Variants in EIF3D observed in about 807,000 individuals in gnomAD.
EIF3D encodes eukaryotic translation initiation factor 3 subunit D.
EIF3D carries 10 observed loss-of-function variants against 75.4 expected under a neutral mutation model. That is an observed-to-expected ratio of 0.13 (90% CI 0.08 to 0.22). EIF3D has a LOEUF of 0.22. Ranked by LOEUF, EIF3D falls within the 10% of genes least tolerant of loss-of-function variation. EIF3D has a pLI of 1.00. For synonymous variants in EIF3D, 246 were observed against 248.3 expected (o/e 0.99, Z 0.09); for missense variants, 394 against 708.0 (o/e 0.56, Z 5.03).
At chr22:36,513,032 G>C (rs1934367099) in intron 12 of EIF3D, 1 of 156,628 alleles carries the variant, frequency 6.4e-6, no homozygotes, top group African/African-American at 2.4e-5. Context: ...GAGAGGCATG[G>C]TGGGATAGGA....
intron 3 of EIF3D, 110 bp from the exon 4 acceptor site, chr22:36,524,842 G>A: frequency 7.1e-7 from 1 of 1,405,864 alleles, no homozygotes. Flanking sequence ...TGTAGCATTG[G>A]CTGAAAGCTT....
Position 36,525,874 on chromosome 22 carries a change from T to C in EIF3D, c.123+125A>G, listed in dbSNP as rs563534147. On this transcript the variant is annotated intron_variant, in intron 2 of 14. Transcript: ENST00000216190. ...TCTATGACTACACCCAGAGATAACC[T>C]TTCTCAGCTGGCATCCCTATAAGAA... 1.4e-5 allele frequency: 21 copies of C among 1,486,044 alleles called. No individual in the cohort carries two copies. In the South Asian group the frequency reaches 2.0e-4, roughly 14 times the overall value. The allele number at this position is 1,486,044 out of a possible 1,614,324, so 92.1% of individuals were successfully genotyped here.
At position 36,517,336 on chromosome 22, in the gene EIF3D, T is replaced by G; in HGVS notation, c.955A>C (p.Ile319Leu). Residue 319 changes from isoleucine (I) to leucine (L), a missense_variant, in exon 10 of 15, where the codon ATC becomes CTC. Physicochemically the swap from Ile to Leu is conservative, Grantham distance 5. Transcript: ENST00000216190. Reference protein sequence around the residue: ...PRNLAMEATYINHNFSQQCLR... With the variant: ...PRNLAMEATYLNHNFSQQCLR... ...CACTGCTGGGAGAAATTGTGGTTGA[T>G]GTAGGTTGCCTCCATGGCCAGGTTG... is the stretch of plus-strand genomic sequence containing the variant. 2 of 1,614,054 alleles carry G rather than the reference T, an allele frequency of 1.2e-6. No individual in the cohort carries two copies. The highest frequency in any genetic ancestry group is 1.7e-6 in the Non-Finnish European group (2 of 1,179,976).
intron 7 of EIF3D, 95 bp downstream of exon 7, chr22:36,520,481 C>A (rs965359127): frequency 2.1e-5 from 18 of 852,298 alleles, no homozygotes; most frequent in Non-Finnish European, 3.3e-5. Flanking sequence ...GGCTTCAAAG[C>A]CTTTTTGGAA....
At chr22:36,528,264 T>C (rs929315579) in intron 1 of EIF3D, among the ~76,000 whole-genome samples, 1 of 151,624 alleles carries the variant, frequency 6.6e-6, no homozygotes, top group Admixed American at 6.6e-5. Context: ...AGATCAGGGG[T>C]TTGAGACCGT....
chr22:36,526,613 C>CTTTCTTTTTT (rs1555889295), intron 1 of EIF3D, among the ~76,000 whole-genome samples: 6 of 145,730 alleles, frequency 4.1e-5, no homozygotes, highest in African/African-American at 7.6e-5. Flanking sequence ...TTCTTTCTTT[C>CTTTCTTTTTT]TTTTTTTTTT....
intron 9 of EIF3D, among the ~76,000 whole-genome samples, chr22:36,518,249 G>C (rs1024559526): frequency 6.6e-6 from 1 of 152,096 alleles, no homozygotes; most frequent in Non-Finnish European, 1.5e-5. Context: ...GCAGCACTTT[G>C]GGAGGCCAAG....
At chr22:36,511,029 T>C (rs1395572886) in intron 14 of EIF3D, 29 bp from the exon 15 acceptor site, 1 of 1,603,818 alleles carries the variant, frequency 6.2e-7, no homozygotes, top group Non-Finnish European at 8.5e-7. Flanking sequence ...GTAAGAGAAA[T>C]GAGCCAGGTT....
chr22:36,523,127 AT>A, intron 6 of EIF3D, 81 bp downstream of exon 6: 1 of 1,094,558 alleles, frequency 9.1e-7, no homozygotes, highest in South Asian at 1.2e-5. Context: ...TATGTGAAGT[AT>A]ATCTCATCTA....
At chr22:36,520,435 C>G (rs1400211585) in intron 7 of EIF3D, 141 bp downstream of exon 7, 1 of 541,432 alleles carries the variant, frequency 1.8e-6, no homozygotes, top group Middle Eastern at 4.9e-4. Flanking sequence ...TTTTCAAATA[C>G]CTCTGTTAAC....
intron 3 of EIF3D, 75 bp downstream of exon 3, chr22:36,525,589 C>A: frequency 6.7e-7 from 1 of 1,489,960 alleles, no homozygotes; most frequent in Non-Finnish European, 9.3e-7. Context: ...AAAAAGCTTT[C>A]AGAAGAAGGT....
chr22:36,522,565 A>C (rs1186621645), intron 6 of EIF3D, among the ~76,000 whole-genome samples: 2 of 152,146 alleles, frequency 1.3e-5, no homozygotes, highest in Non-Finnish European at 2.9e-5. Context: ...GTTACTAAAG[A>C]CCACATATTG....
chr22:36,520,190 C>A (rs1934490587), intron 7 of EIF3D, among the ~76,000 whole-genome samples: 1 of 150,440 alleles, frequency 6.6e-6, no homozygotes, highest in South Asian at 2.1e-4. Flanking sequence ...GAGTTTCGCT[C>A]TTGTTGCCCA....
chr22:36,516,679 C>T (rs751020467), intron 11 of EIF3D, 26 bp downstream of exon 11: 2 of 1,614,174 alleles, frequency 1.2e-6, no homozygotes, highest in Admixed American at 1.7e-5. Flanking sequence ...AGTCTGGCCA[C>T]AATACCCACC....
At chr22:36,515,695 A>G (rs1212145499) in intron 12 of EIF3D, among the ~76,000 whole-genome samples, 1 of 152,142 alleles carries the variant, frequency 6.6e-6, no homozygotes. Context: ...ATCAAAAAGG[A>G]GGGGAGCCAG....
intron 8 of EIF3D, among the ~76,000 whole-genome samples, 197 bp from the exon 9 acceptor site, chr22:36,519,107 C>G (rs565032487): frequency 3.2e-4 from 48 of 152,316 alleles, no homozygotes; most frequent in Admixed American, 2.6e-3. Context: ...TAAGCACCTG[C>G]TAGATTCCAG....
intron 12 of EIF3D, among the ~76,000 whole-genome samples, chr22:36,515,421 G>A (rs1050836171): frequency 2.6e-5 from 4 of 152,140 alleles, no homozygotes; most frequent in East Asian, 1.9e-4. Context: ...CTAGCTACTC[G>A]GGAGGCTGAG....
chr22:36,518,450 C>G (rs2145873229), intron 9 of EIF3D, among the ~76,000 whole-genome samples: 1 of 151,480 alleles, frequency 6.6e-6, no homozygotes, highest in South Asian at 2.1e-4. Flanking sequence ...GACTGCGCCA[C>G]TGCACTCCAG....
rs1031974013 is a variant in EIF3D, at chr22:36,526,224, A to G, written c.-10-93T>C. ...TGAAGTAAGCAAAGACATAAATGAT[A>G]GAACTCAAAAAGCAACACGCAAAAT... On this transcript the variant is annotated intron_variant, in intron 1 of 14. Coordinates refer to ENST00000216190, the MANE Select transcript of EIF3D (RefSeq NM_003753.4). 3 of 1,362,832 alleles carry G rather than the reference A, an allele frequency of 2.2e-6. No individual in the cohort carries two copies. In the South Asian group the frequency reaches 5.3e-5, roughly 24 times the overall value. 84.4% of individuals were successfully genotyped at this position (1,362,832 alleles called of 1,614,324 possible). A position where few individuals can be genotyped will look rare whatever the true frequency, so the allele number is the denominator to read the frequency against.
Sources: gnomAD v4.1 joint callset for allele counts (sites outside exome capture counted in the v4.1 genomes callset) on GRCh38, gnomAD v4.1.1 for gene constraint, MANE v1.5 for transcripts, NCBI Gene and HGNC (gene_info 2026-07-23, HGNC 2026-07-21) for gene names.